SPOCK3: variants seen among roughly 807,000 people sequenced by gnomAD.
SPOCK3 encodes the protein SPARC (osteonectin), cwcv and kazal like domains proteoglycan 3, also known as testican-3.
In SPOCK3, 30 loss-of-function variants were observed where a neutral mutation model predicts 56.6. The ratio of observed to expected loss-of-function variants is 0.53; its 90% confidence interval spans 0.40 to 0.72. The LOEUF (loss-of-function observed/expected upper bound fraction) is 0.72, where lower values mean the gene tolerates loss of function less well. Ranked by LOEUF, SPOCK3 falls within the 30% of genes least tolerant of loss-of-function variation. SPOCK3 has a pLI of 0.00. For missense variants in SPOCK3, 527 were observed against 530.0 expected (o/e 0.99, Z 0.06); for synonymous variants, 196 against 183.3 (o/e 1.07, Z -0.56).
chr4:167,057,902 C>T (rs1379249110), intron 3 of SPOCK3, among the ~76,000 whole-genome samples: 1 of 152,098 alleles, frequency 6.6e-6, no homozygotes, highest in African/African-American at 2.4e-5. Flanking sequence ...AACAAGGATA[C>T]CCAGGAGTTA....
chr4:167,013,365 T>A (rs2558143), intron 3 of SPOCK3, among the ~76,000 whole-genome samples: 1 of 151,664 alleles, frequency 6.6e-6, no homozygotes, highest in African/African-American at 2.4e-5. Context: ...CTCTTTGGTT[T>A]GCTACCATTT....
At chr4:167,157,533 A>G (rs1764918780) in intron 2 of SPOCK3, among the ~76,000 whole-genome samples, 1 of 151,910 alleles carries the variant, frequency 6.6e-6, no homozygotes, top group African/African-American at 2.4e-5. Context: ...AGTTTCTGAC[A>G]TTAAAAACAT....
At chr4:166,927,260 G>A (rs1739218002) in intron 4 of SPOCK3, among the ~76,000 whole-genome samples, 1 of 152,110 alleles carries the variant, frequency 6.6e-6, no homozygotes, top group Non-Finnish European at 1.5e-5. Flanking sequence ...CCCACGTTTT[G>A]TGGGAGGGAT....
intron 2 of SPOCK3, among the ~76,000 whole-genome samples, chr4:167,147,861 T>C (rs1214496447): frequency 1.3e-5 from 2 of 151,928 alleles, no homozygotes; most frequent in Non-Finnish European, 2.9e-5. Flanking sequence ...CTAATGTAGG[T>C]GACGGGTGGA....
chr4:167,017,228 T>C (rs1750711921), intron 3 of SPOCK3, among the ~76,000 whole-genome samples: 1 of 152,088 alleles, frequency 6.6e-6, no homozygotes, highest in Admixed American at 6.6e-5. Context: ...TGCACCCCTG[T>C]GTTACTGTTA....
chr4:166,767,892 A>T (rs1391072961), intron 7 of SPOCK3, among the ~76,000 whole-genome samples: 1 of 152,188 alleles, frequency 6.6e-6, no homozygotes, highest in Non-Finnish European at 1.5e-5. Context: ...GTGCATACAT[A>T]TTTAAGATAG....
chr4:167,201,967 A>AC (rs1358395501), intron 2 of SPOCK3, among the ~76,000 whole-genome samples: 1 of 151,898 alleles, frequency 6.6e-6, no homozygotes, highest in Non-Finnish European at 1.5e-5. Context: ...ACTGTTCTTC[A>AC]CCTTTGTTCA....
At chr4:166,951,701 G>C (rs929365139) in intron 4 of SPOCK3, among the ~76,000 whole-genome samples, 3 of 141,494 alleles carry the variant, frequency 2.1e-5, no homozygotes, top group Non-Finnish European at 3.0e-5. Context: ...CTGGCAAACT[G>C]AATCCAGCAG....
intron 4 of SPOCK3, among the ~76,000 whole-genome samples, chr4:166,972,644 G>A (rs1745510568): frequency 6.6e-6 from 1 of 151,468 alleles, no homozygotes; most frequent in Non-Finnish European, 1.5e-5. Context: ...AATTTGCCCA[G>A]TGGTGAGTCC....
intron 3 of SPOCK3, among the ~76,000 whole-genome samples, chr4:167,025,126 CCTT>C (rs1445800511): frequency 1.3e-5 from 2 of 151,568 alleles, no homozygotes; most frequent in African/African-American, 4.8e-5. Context: ...ATATCTTCGT[CCTT>C]CTGGTCAAAC....
At position 167,163,152 on chromosome 4, in the gene SPOCK3, T is replaced by A. The variant is rs1030937238; in HGVS notation, c.189+70833A>T. On this transcript the variant is annotated intron_variant, in intron 2 of 10. Transcript: ENST00000357545. ...TGAATGCAACAATTAAAACATAGGT[T>A]TTTTTGTTGGGGGATTTTTTTTTTT... Among the ~76,000 whole-genome samples the A allele has an allele frequency of 9.5e-5, 14 of 146,782 alleles. No homozygotes were observed. In the East Asian group the frequency reaches 2.8e-3, roughly 30 times the overall value.
At chr4:167,147,794 C>CA (rs2150410478) in intron 2 of SPOCK3, among the ~76,000 whole-genome samples, 1 of 152,164 alleles carries the variant, frequency 6.6e-6, no homozygotes, top group East Asian at 1.9e-4. Context: ...GAACATCACA[C>CA]ACCAGGGCCC....
At chr4:166,934,676 ATGT>A (rs1054320403) in intron 4 of SPOCK3, among the ~76,000 whole-genome samples, 12 of 152,042 alleles carry the variant, frequency 7.9e-5, no homozygotes, top group Non-Finnish European at 1.5e-4. Context: ...TATTAAAACA[ATGT>A]TGTGATAAAC....
intron 2 of SPOCK3, among the ~76,000 whole-genome samples, chr4:167,185,810 C>A (rs1294527953): frequency 2.6e-5 from 4 of 152,030 alleles, no homozygotes; most frequent in African/African-American, 4.8e-5. Context: ...TTTTTTTGAA[C>A]CAACGAGTTT....
intron 2 of SPOCK3, among the ~76,000 whole-genome samples, chr4:167,144,111 TC>T (rs1763749185): frequency 6.6e-6 from 1 of 152,050 alleles, no homozygotes; most frequent in Non-Finnish European, 1.5e-5. Context: ...TATTTTTTCC[TC>T]TTTCTAGCCT....
chr4:167,071,305 T>C (rs1756652175), intron 2 of SPOCK3, among the ~76,000 whole-genome samples: 1 of 152,128 alleles, frequency 6.6e-6, no homozygotes, highest in Admixed American at 6.6e-5. Context: ...GTTTGTTACA[T>C]AGGTATACAT....
chr4:167,234,073 T>A lies in SPOCK3; in HGVS notation c.101A>T (p.Asp34Val). Residue 34 changes from aspartate to valine, a missense_variant, in exon 2 of 11, where the codon GAC becomes GTC. Asp to Val is a radical substitution (Grantham distance 152). Transcript: ENST00000357545. ...AAVAAAGGRS[D>V]GGNFLDDKQW... The stretch of plus-strand genomic sequence containing the variant: ...TTTATCATCCAGAAAATTACCGCCG[T>A]CCGACCGCCCCCCGGCTGCAGCCAC... The A allele has an allele frequency of 6.2e-7, 1 of 1,613,542 alleles. No homozygotes were observed. Among genetic ancestry groups the A allele is most frequent in the Non-Finnish European group, 8.5e-7 (1 of 1,179,940 alleles).
chr4:167,089,617 T>C (rs1000372598), intron 2 of SPOCK3, among the ~76,000 whole-genome samples: 7 of 152,176 alleles, frequency 4.6e-5, no homozygotes, highest in Admixed American at 2.0e-4. Context: ...AAATGATATA[T>C]GTTTTAAATT....
intron 4 of SPOCK3, among the ~76,000 whole-genome samples, chr4:166,983,184 C>T (rs1024726128): frequency 2.0e-5 from 3 of 152,096 alleles, no homozygotes; most frequent in African/African-American, 7.2e-5. Flanking sequence ...ATTTTAATGA[C>T]TACTAATTTT....
Sources: allele counts gnomAD v4.1 joint callset (sites outside exome capture counted in the v4.1 genomes callset), GRCh38; gene constraint gnomAD v4.1.1; transcripts MANE v1.5; gene names NCBI Gene and HGNC (gene_info 2026-07-23, HGNC 2026-07-21).